The following MFSD6 variants were observed in gnomAD, a reference collection of about 807,000 sequenced individuals.
MFSD6 encodes major facilitator superfamily domain-containing protein 6.
A neutral mutation model predicts 56.3 loss-of-function variants in MFSD6; 26 were observed. The ratio of observed to expected loss-of-function variants is 0.46; its 90% CI spans 0.34 to 0.64. MFSD6 has a LOEUF of 0.64. Ranked by LOEUF, MFSD6 falls within the 30% of genes least tolerant of loss-of-function variation. MFSD6 has a pLI of 0.01. For synonymous variants in MFSD6, 331 were observed against 366.9 expected (o/e 0.90, Z 1.12); for missense variants, 750 against 986.2 (o/e 0.76, Z 3.21).
chr2:190,447,181 T>A lies in MFSD6; in HGVS notation c.1532+9620T>A, dbSNP rs1341759693. Among the ~76,000 whole-genome samples the A allele has an allele frequency of 6.6e-6, 1 of 152,084 alleles. No homozygotes were observed. The highest frequency in any genetic ancestry group is 1.9e-4 in the East Asian group (1 of 5,200). On this transcript the variant is annotated intron_variant, in intron 3 of 7. Coordinates refer to ENST00000392328, the MANE Select transcript of MFSD6 (RefSeq NM_017694.4). This position sits in a 1 kb window ranked among gnomAD's most constrained non-coding sequence, Gnocchi z 4.5. ...CTGACATGGAATTATTTTAACACAA[T>A]GAGTATTAGAGAATGGAGCTAATTA...
At chr2:190,474,547 A>C (rs1269465916) in intron 4 of MFSD6, among the ~76,000 whole-genome samples, 15 of 152,064 alleles carry the variant, frequency 9.9e-5, no homozygotes, top group African/African-American at 2.2e-4. Flanking sequence ...AGACCAATAA[A>C]AGGCTCTGAA....
rs147968543 is a variant in MFSD6 at position 190,477,151 on chromosome 2, A to G, written c.1630+7296A>G. On this transcript the variant is annotated intron_variant, in intron 4 of 7. Transcript: ENST00000392328. ...GCACACCAATATGGCACATGTATACATATGTAACAAACCTGCACGTTGTGC... is the reference window on the plus strand; with the variant it reads ...GCACACCAATATGGCACATGTATACGTATGTAACAAACCTGCACGTTGTGC... The G allele has an allele frequency of 4.1e-3, 2,227 of 547,580 alleles. 47 individuals are homozygous for G. The African/African-American group carries it at 0.042, about 10-fold the overall frequency. 33.9% of individuals were successfully genotyped at this position (547,580 alleles called of 1,614,324 possible). A position where few individuals can be genotyped will look rare whatever the true frequency, so the allele number is the denominator to read the frequency against.
chr2:190,408,621 G>C (rs949562551), intron 1 of MFSD6, 118 bp downstream of exon 1: 13 of 152,212 alleles, frequency 8.5e-5, no homozygotes, highest in African/African-American at 3.1e-4. Flanking sequence ...CTGCTGCCGG[G>C]AAAGGGGCTT....
At chr2:190,411,817 TTCC>T (rs1038777937) in intron 1 of MFSD6, 1 of 985,392 alleles carries the variant, frequency 1.0e-6, no homozygotes, top group Non-Finnish European at 1.2e-6. Flanking sequence ...CTCCTCAGTT[TTCC>T]TCCTCAATAA....
chr2:190,473,421 G>C (rs1461392640), intron 4 of MFSD6, among the ~76,000 whole-genome samples: 1 of 152,130 alleles, frequency 6.6e-6, no homozygotes, highest in Non-Finnish European at 1.5e-5. Flanking sequence ...AACAAAAAAA[G>C]GCAGGGGTTG....
chr2:190,436,834 TC>T lies in MFSD6; in HGVS notation c.806del (p.Ser269PhefsTer22). 6.2e-7 allele frequency: 1 copy of T among 1,614,186 alleles called. No individual in the cohort carries two copies. The highest frequency in any genetic ancestry group is 8.5e-7 in the Non-Finnish European group (1 of 1,180,040). On this transcript the variant is annotated frameshift_variant, in exon 3 of 8. Transcript: ENST00000392328. LOFTEE classifies it high-confidence loss of function. The surrounding 1 kb of genome is among the most constrained non-coding windows in gnomAD (Gnocchi z 5.3). ...TTTVIVTTTK[S>X]LPSDQVMLVY... is the part of the protein sequence containing the mutation. ...CACTGTTATTGTTACCACCACCAAA[TC>T]TTTACCTTCTGACCAAGTCATGCTT...
intron 2 of MFSD6, among the ~76,000 whole-genome samples, chr2:190,420,234 C>T (rs1346913210): frequency 2.0e-5 from 3 of 151,626 alleles, no homozygotes; most frequent in Non-Finnish European, 4.4e-5. Flanking sequence ...TTGCTTGAAC[C>T]ACAGTTTATT....
At chr2:190,432,493 T>C (rs950976972) in intron 2 of MFSD6, among the ~76,000 whole-genome samples, 2 of 152,222 alleles carry the variant, frequency 1.3e-5, no homozygotes, top group African/African-American at 4.8e-5. Flanking sequence ...CTCGGCTCTC[T>C]GCAACCTCCG....
rs1254153308 is a variant in MFSD6, at chr2:190,425,302, T to C, written c.-54+9889T>C. Among the ~76,000 whole-genome samples, 1 of 152,208 alleles carries C rather than the reference T, an allele frequency of 6.6e-6. No individual in the cohort carries two copies. The highest frequency in any genetic ancestry group is 1.9e-4 in the East Asian group (1 of 5,204). On this transcript the variant is annotated intron_variant, in intron 2 of 7. Transcript: ENST00000392328. The surrounding 1 kb of genome is among the most constrained non-coding windows in gnomAD (Gnocchi z 4.3). ...CTGCAAATAGGGACAGTTTCTTTGTTTTTGATCTGTATGTCTTTTGTTTTC... is the reference window on the plus strand; with the variant it reads ...CTGCAAATAGGGACAGTTTCTTTGTCTTTGATCTGTATGTCTTTTGTTTTC...
At chr2:190,453,758 C>G (rs2125094099) in intron 3 of MFSD6, among the ~76,000 whole-genome samples, 1 of 152,186 alleles carries the variant, frequency 6.6e-6, no homozygotes, top group East Asian at 1.9e-4. Flanking sequence ...TGGAGAAGCA[C>G]AGAACGGAAG....
intron 2 of MFSD6, among the ~76,000 whole-genome samples, chr2:190,429,190 G>C: frequency 6.6e-6 from 1 of 151,468 alleles, no homozygotes; most frequent in South Asian, 2.1e-4. Flanking sequence ...TGATTTTAAA[G>C]AATAAATTTT....
At position 190,499,871 on chromosome 2, in the gene MFSD6, C is replaced by A. The variant is rs147620680; in HGVS notation, c.2173-144C>A. On this transcript the variant is annotated intron_variant, in intron 7 of 7. Transcript: ENST00000392328. This position sits in a 1 kb window ranked among gnomAD's most constrained non-coding sequence, Gnocchi z 6.0. ...GGAGATGAAAGGTAAGACATTCTAT[C>A]CTTATTCCTCTATTACTTGGTCCCT... 1 of 1,552,550 alleles carries A rather than the reference C, an allele frequency of 6.4e-7. No individual in the cohort carries two copies. The highest frequency in any genetic ancestry group is 1.2e-5 in the South Asian group (1 of 83,564).
Position 190,469,966 on chromosome 2 carries a change from T to C in MFSD6, c.1630+111T>C. The C allele has an allele frequency of 1.4e-6, 1 of 712,896 alleles. No individual in the cohort carries two copies. Among genetic ancestry groups the C allele is most frequent in the Non-Finnish European group, 2.3e-6 (1 of 431,668 alleles). The allele number at this position is 712,896 out of a possible 1,614,324, so 44.2% of individuals were successfully genotyped here. Reference sequence around the variant, plus strand: ...ATAAAGGAAGGGCAGGCCTACTGTTTCATGTGATTTTGAAGTGGTTGTTAA... The same window carrying C: ...ATAAAGGAAGGGCAGGCCTACTGTTCCATGTGATTTTGAAGTGGTTGTTAA... On this transcript the variant is annotated intron_variant, in intron 4 of 7. Transcript: ENST00000392328. The surrounding 1 kb of genome is among the most constrained non-coding windows in gnomAD (Gnocchi z 5.3).
intron 3 of MFSD6, among the ~76,000 whole-genome samples, chr2:190,449,636 C>A (rs1020635951): frequency 6.6e-6 from 1 of 150,838 alleles, no homozygotes; most frequent in Non-Finnish European, 1.5e-5. Flanking sequence ...CAATGATAGA[C>A]TGGATTAAGA....
intron 4 of MFSD6, among the ~76,000 whole-genome samples, chr2:190,480,702 C>A (rs1275367349): frequency 1.3e-5 from 2 of 152,196 alleles, no homozygotes; most frequent in African/African-American, 4.8e-5. Context: ...TACCTATAAG[C>A]TCTGTGTCTT....
rs1334222079 is a variant in MFSD6, at chr2:190,501,086, T to C, written c.*868T>C. ...ATCTTATAGTAATTCAGGCTCTAAT[T>C]AGCTGAGGGAATGAAACACACAAAA... On this transcript the variant is annotated 3_prime_UTR_variant, in exon 8 of 8. Transcript: ENST00000392328. The C allele has an allele frequency of 6.6e-6, 1 of 152,172 alleles. No individual in the cohort carries two copies. Among genetic ancestry groups the C allele is most frequent in the African/African-American group, 2.4e-5 (1 of 41,424 alleles). The allele number at this position is 152,172 out of a possible 1,614,324, so 9.4% of individuals were successfully genotyped here.
Position 190,471,361 on chromosome 2 carries a change from T to C in MFSD6, c.1630+1506T>C, listed in dbSNP as rs562470225. Among the ~76,000 whole-genome samples the C allele has an allele frequency of 3.9e-4, 60 of 152,278 alleles. No homozygotes were observed. Among genetic ancestry groups the C allele is most frequent in the African/African-American group, 1.4e-3 (60 of 41,550 alleles). Reference sequence around the variant, plus strand: ...CCTAGCCGAGGAAAGGGGTGAGAGATGGCACCTGGAAAATTGGGTCACTCC... The same window carrying C: ...CCTAGCCGAGGAAAGGGGTGAGAGACGGCACCTGGAAAATTGGGTCACTCC... On this transcript the variant is annotated intron_variant, in intron 4 of 7. Coordinates refer to ENST00000392328, the MANE Select transcript of MFSD6 (RefSeq NM_017694.4). The surrounding 1 kb of genome is among the most constrained non-coding windows in gnomAD (Gnocchi z 4.7).
intron 4 of MFSD6, among the ~76,000 whole-genome samples, chr2:190,474,159 G>C (rs10209252): frequency 0.16 from 22,274 of 142,884 alleles, 1,839 homozygotes; most frequent in Middle Eastern, 0.23. Context: ...AAAAGAACTA[G>C]AGAAGCAAGA....
At chr2:190,419,959 A>G (rs1685547170) in intron 2 of MFSD6, among the ~76,000 whole-genome samples, 1 of 152,252 alleles carries the variant, frequency 6.6e-6, no homozygotes, top group Non-Finnish European at 1.5e-5. Flanking sequence ...TTATCTGATT[A>G]GGATGAACTG....
Sources: gnomAD v4.1 joint callset for allele counts (sites outside exome capture counted in the v4.1 genomes callset) on GRCh38, gnomAD v4.1.1 for gene constraint, Gnocchi (gnomAD v3.1) non-coding constraint, MANE v1.5 for transcripts, NCBI Gene and HGNC (gene_info 2026-07-23, HGNC 2026-07-21) for gene names.